CHODL: variants seen among roughly 807,000 people sequenced by gnomAD.
CHODL encodes chondrolectin.
A neutral mutation model predicts 34.5 loss-of-function variants in CHODL; 29 were observed. That is an observed-to-expected ratio of 0.84 (90% CI 0.63 to 1.15). The LOEUF (loss-of-function observed/expected upper bound fraction) is 1.15. Ranked by LOEUF, CHODL falls within the 50% of genes most tolerant of loss-of-function variation. CHODL has a pLI of 0.00. For missense variants in CHODL, 332 were observed against 332.5 expected (o/e 1.00, Z 0.01); for synonymous variants, 125 against 116.1 (o/e 1.08, Z -0.49).
intron 5 of CHODL, among the ~76,000 whole-genome samples, chr21:18,264,124 G>A (rs896284992): frequency 2.0e-5 from 3 of 152,112 alleles, no homozygotes; most frequent in Admixed American, 2.0e-4. Flanking sequence ...ATGGTCAGGT[G>A]TGTTTAGAAA....
At chr21:18,126,360 A>T (rs771619773) in intron 2 of CHODL, among the ~76,000 whole-genome samples, 2 of 152,226 alleles carry the variant, frequency 1.3e-5, no homozygotes, top group Non-Finnish European at 2.9e-5. Flanking sequence ...TACTTAATAG[A>T]CTATAGTGTA....
chr21:18,054,072 G>T (rs2064549921), intron 2 of CHODL, among the ~76,000 whole-genome samples: 1 of 151,772 alleles, frequency 6.6e-6, no homozygotes. Flanking sequence ...TCCTGGTACA[G>T]GCTAATATTA....
intron 2 of CHODL, among the ~76,000 whole-genome samples, chr21:18,034,356 T>C (rs557916473): frequency 2.0e-5 from 3 of 152,114 alleles, no homozygotes; most frequent in African/African-American, 7.2e-5. Flanking sequence ...AAAGACAAAG[T>C]GTGGTGCAAG....
chr21:17,998,913 C>T lies in CHODL; in HGVS notation c.-144-28959C>T, dbSNP rs368727695. ...CATGGTATTGGTGATTAACATTAGG[C>T]TCCTTGCTACTTATGCAAATTTCTG... On this transcript the variant is annotated intron_variant, in intron 1 of 6. Coordinates refer to the CHODL transcript ENST00000400127. Among the ~76,000 whole-genome samples the T allele has an allele frequency of 3.2e-4, 49 of 152,334 alleles. 1 individual carries two copies. Among genetic ancestry groups the T allele is most frequent in the Middle Eastern group, 3.4e-3 (1 of 294 alleles).
chr21:18,245,776 TG>T, intron 1 of CHODL: 1 of 704,720 alleles, frequency 1.4e-6, no homozygotes, highest in South Asian at 1.8e-5. Flanking sequence ...CAGTTCGCTG[TG>T]GGTCGCCTCC....
At chr21:18,249,191 A>G (rs961264905) in intron 1 of CHODL, among the ~76,000 whole-genome samples, 5 of 145,212 alleles carry the variant, frequency 3.4e-5, no homozygotes, top group African/African-American at 1.3e-4. Context: ...GCACTCACAA[A>G]CAATTTTTAC....
At chr21:18,069,400 G>A (rs1318597402) in intron 2 of CHODL, among the ~76,000 whole-genome samples, 1 of 151,876 alleles carries the variant, frequency 6.6e-6, no homozygotes, top group East Asian at 1.9e-4. Flanking sequence ...ATACACTAGT[G>A]GATATCAGCT....
At chr21:17,974,922 T>C (rs2063648865) in intron 1 of CHODL, among the ~76,000 whole-genome samples, 1 of 148,172 alleles carries the variant, frequency 6.7e-6, no homozygotes, top group South Asian at 2.1e-4. Context: ...ATGTACTTTA[T>C]ATATATATAT....
chr21:17,996,857 C>T (rs550600575), intron 1 of CHODL, among the ~76,000 whole-genome samples: 9 of 151,936 alleles, frequency 5.9e-5, no homozygotes, highest in Admixed American at 1.3e-4. Context: ...CTATGAGAAA[C>T]CTGAAAATTT....
At chr21:17,975,757 C>A (rs985872682) in intron 1 of CHODL, among the ~76,000 whole-genome samples, 1 of 152,130 alleles carries the variant, frequency 6.6e-6, no homozygotes, top group Non-Finnish European at 1.5e-5. Flanking sequence ...CCATGCCCAT[C>A]CTCATGTCTC....
chr21:17,982,696 C>CTTTTTTTTTTTT (rs397867753), intron 1 of CHODL, among the ~76,000 whole-genome samples: 60 of 62,994 alleles, frequency 9.5e-4, no homozygotes, highest in African/African-American at 1.2e-3. Flanking sequence ...TATATATATT[C>CTTTTTTTTTTTT]TTTTTTTTTT....
intron 2 of CHODL, among the ~76,000 whole-genome samples, chr21:18,233,033 A>G (rs1366403893): frequency 6.7e-6 from 1 of 148,292 alleles, no homozygotes; most frequent in Admixed American, 6.7e-5. Context: ...TGATTGAATC[A>G]AGCTAATTAA....
chr21:18,155,197 G>A (rs2073021067), intron 2 of CHODL, among the ~76,000 whole-genome samples: 1 of 152,150 alleles, frequency 6.6e-6, no homozygotes, highest in African/African-American at 2.4e-5. Flanking sequence ...ATGTGTAAAA[G>A]TCAGGTTGAA....
intron 2 of CHODL, among the ~76,000 whole-genome samples, chr21:18,168,962 ACTT>A (rs2073191519): frequency 6.6e-6 from 1 of 151,656 alleles, no homozygotes; most frequent in South Asian, 2.1e-4. Flanking sequence ...TTGGGGTTCA[ACTT>A]CTTTCTTTTA....
chr21:18,148,518 A>T (rs2072926542), intron 2 of CHODL, among the ~76,000 whole-genome samples: 1 of 152,288 alleles, frequency 6.6e-6, no homozygotes, highest in South Asian at 2.1e-4. Context: ...TAATGTACTT[A>T]TGCACACACA....
intron 3 of CHODL, among the ~76,000 whole-genome samples, chr21:18,258,769 A>G (rs2074347196): frequency 6.6e-6 from 1 of 151,844 alleles, no homozygotes; most frequent in Admixed American, 6.6e-5. Flanking sequence ...TCATGATTTA[A>G]TCTTTTTTGT....
intron 2 of CHODL, among the ~76,000 whole-genome samples, chr21:18,202,283 G>A (rs1411426721): frequency 6.6e-6 from 1 of 152,294 alleles, no homozygotes; most frequent in East Asian, 1.9e-4. Flanking sequence ...AAAAAGGAGA[G>A]CATATATTAT....
intron 2 of CHODL, among the ~76,000 whole-genome samples, chr21:18,077,423 G>A (rs917379317): frequency 1.3e-5 from 2 of 152,140 alleles, no homozygotes; most frequent in African/African-American, 2.4e-5. Flanking sequence ...GAGCTATTGG[G>A]ATGGGATGAA....
chr21:18,058,052 G>A (rs1600947361), intron 2 of CHODL, among the ~76,000 whole-genome samples: 1 of 152,108 alleles, frequency 6.6e-6, no homozygotes, highest in Non-Finnish European at 1.5e-5. Context: ...CTACAGTTCT[G>A]TAGAACACTA....
Sources: gnomAD v4.1 joint callset for allele counts (sites outside exome capture counted in the v4.1 genomes callset) on GRCh38, gnomAD v4.1.1 for gene constraint, MANE v1.5 for transcripts, NCBI Gene and HGNC (gene_info 2026-07-23, HGNC 2026-07-21) for gene names.